Variants in SLC24A3 observed in about 807,000 individuals in gnomAD.
The protein encoded by SLC24A3 is solute carrier family 24 member 3, also known as sodium/potassium/calcium exchanger 3.
SLC24A3 carries 28 observed loss-of-function variants against 75.8 expected under a neutral mutation model. That is an observed-to-expected ratio of 0.37 (90% CI 0.27 to 0.51). The LOEUF is 0.51. SLC24A3 is among the 20% of genes least tolerant of loss of function. The pLI, the probability that SLC24A3 is intolerant of heterozygous loss-of-function variation, is 0.94. For missense variants in SLC24A3, 663 were observed against 847.8 expected (o/e 0.78, Z 2.71); for synonymous variants, 372 against 334.1 (o/e 1.11, Z -1.24).
At chr20:19,317,135 G>A (rs1300431787) in intron 2 of SLC24A3, among the ~76,000 whole-genome samples, 1 of 152,052 alleles carries the variant, frequency 6.6e-6, no homozygotes, top group African/African-American at 2.4e-5. Flanking sequence ...ATTAAAAACT[G>A]GACTCCTTCC....
At chr20:19,383,541 G>A (rs1298876707) in intron 2 of SLC24A3, among the ~76,000 whole-genome samples, 1 of 152,158 alleles carries the variant, frequency 6.6e-6, no homozygotes, top group Non-Finnish European at 1.5e-5. Flanking sequence ...TTGTCCTTCT[G>A]CCTGTCGTGC....
chr20:19,586,790 G>A (rs2031303143), intron 6 of SLC24A3, among the ~76,000 whole-genome samples: 1 of 152,120 alleles, frequency 6.6e-6, no homozygotes, highest in Admixed American at 6.5e-5. Context: ...CAGGTGGATG[G>A]GTCCCTTCTA....
intron 6 of SLC24A3, among the ~76,000 whole-genome samples, chr20:19,636,550 T>C (rs2032004972): frequency 6.6e-6 from 1 of 152,186 alleles, no homozygotes; most frequent in African/African-American, 2.4e-5. Context: ...ACTTAAGTAT[T>C]ACATTCTCTC....
At chr20:19,643,898 C>G (rs2032103212) in intron 6 of SLC24A3, among the ~76,000 whole-genome samples, 1 of 152,162 alleles carries the variant, frequency 6.6e-6, no homozygotes, top group South Asian at 2.1e-4. Flanking sequence ...AATATTTGCT[C>G]CCTACATAGC....
chr20:19,619,745 T>G (rs1286666657), intron 6 of SLC24A3, among the ~76,000 whole-genome samples: 1 of 152,112 alleles, frequency 6.6e-6, no homozygotes, highest in Non-Finnish European at 1.5e-5. Flanking sequence ...TTAGTATACG[T>G]TGTATGTATG....
intron 2 of SLC24A3, among the ~76,000 whole-genome samples, chr20:19,317,128 A>C (rs6075498): frequency 0.31 from 46,842 of 152,054 alleles, 7,646 homozygotes; most frequent in Middle Eastern, 0.52. Context: ...ACAGAAAATT[A>C]AAAACTGGAC....
chr20:19,650,366 T>TA (rs1371727244), intron 6 of SLC24A3, among the ~76,000 whole-genome samples: 2 of 152,158 alleles, frequency 1.3e-5, no homozygotes, highest in African/African-American at 4.8e-5. Context: ...TTGTGATATA[T>TA]TTTCCTATTT....
At chr20:19,278,560 T>G (rs1396245275) in intron 1 of SLC24A3, among the ~76,000 whole-genome samples, 1 of 152,252 alleles carries the variant, frequency 6.6e-6, no homozygotes, top group Non-Finnish European at 1.5e-5. Flanking sequence ...GAAACTTTTT[T>G]GTCTCTGTTC....
intron 6 of SLC24A3, among the ~76,000 whole-genome samples, chr20:19,627,134 G>A (rs1259903353): frequency 6.6e-6 from 1 of 152,194 alleles, no homozygotes; most frequent in Non-Finnish European, 1.5e-5. Flanking sequence ...GCATGCAACA[G>A]GCACTTAGGA....
At chr20:19,219,551 A>G (rs1314198096) in intron 1 of SLC24A3, among the ~76,000 whole-genome samples, 3 of 152,144 alleles carry the variant, frequency 2.0e-5, no homozygotes, top group East Asian at 1.9e-4. Context: ...GAAATACAGC[A>G]TGGCATGGAG....
At chr20:19,412,861 G>T (rs1412908369) in intron 2 of SLC24A3, among the ~76,000 whole-genome samples, 7 of 152,132 alleles carry the variant, frequency 4.6e-5, no homozygotes, top group Non-Finnish European at 1.0e-4. Flanking sequence ...CCAGCCAATT[G>T]ATATTACTTT....
chr20:19,236,733 G>C (rs987153017), intron 1 of SLC24A3, among the ~76,000 whole-genome samples: 1 of 152,154 alleles, frequency 6.6e-6, no homozygotes, highest in Non-Finnish European at 1.5e-5. Context: ...TCCAGCCTGG[G>C]TGACAAAGTG....
intron 2 of SLC24A3, among the ~76,000 whole-genome samples, chr20:19,341,756 G>C (rs766516102): frequency 6.6e-6 from 1 of 152,108 alleles, no homozygotes; most frequent in Non-Finnish European, 1.5e-5. Flanking sequence ...GATATCCTCT[G>C]TCTCAGTTCT....
rs79422728 is a variant in SLC24A3 at position 19,258,027 on chromosome 20, C to T, written c.143-22932C>T. Among the ~76,000 whole-genome samples the T allele has an allele frequency of 1.7e-3, 258 of 152,332 alleles. 1 individual carries two copies. Among genetic ancestry groups the T allele is most frequent in the African/African-American group, 5.7e-3 (235 of 41,566 alleles). On this transcript the variant is annotated intron_variant, in intron 1 of 16. Transcript: ENST00000328041. Reference sequence around the variant, plus strand: ...CTTAAAGGCTGGTAAGAGTCTGAGCCCTGGGGCTGTGAGCCTTTATCAACC... The same window carrying T: ...CTTAAAGGCTGGTAAGAGTCTGAGCTCTGGGGCTGTGAGCCTTTATCAACC...
intron 2 of SLC24A3, among the ~76,000 whole-genome samples, chr20:19,325,763 TACATATATATATAC>T (rs1408820781): frequency 0.018 from 1,248 of 69,886 alleles, 51 homozygotes; most frequent in African/African-American, 0.05. Flanking sequence ...TATACATACA[TACATATATATATAC>T]ATATATATAT....
intron 2 of SLC24A3, among the ~76,000 whole-genome samples, chr20:19,329,228 A>AT (rs541637003): frequency 1.7e-4 from 26 of 150,538 alleles, no homozygotes; most frequent in African/African-American, 4.4e-4. Context: ...TGGGAATAAG[A>AT]TTTTTTTTTT....
At chr20:19,275,749 C>T (rs76116329) in intron 1 of SLC24A3, among the ~76,000 whole-genome samples, 3,338 of 152,208 alleles carry the variant, frequency 0.022, 140 homozygotes, top group African/African-American at 0.075. Context: ...TTAGTGCATG[C>T]GGCTTGCTTT....
At chr20:19,425,086 C>T (rs1458580293) in intron 2 of SLC24A3, among the ~76,000 whole-genome samples, 5 of 152,076 alleles carry the variant, frequency 3.3e-5, no homozygotes, top group East Asian at 3.9e-4. Flanking sequence ...GGGCAGATCA[C>T]GAGTTCAGGA....
intron 1 of SLC24A3, among the ~76,000 whole-genome samples, chr20:19,247,320 A>C (rs1224550154): frequency 1.3e-5 from 2 of 152,192 alleles, no homozygotes; most frequent in African/African-American, 2.4e-5. Flanking sequence ...ACCCTCGCGA[A>C]AGTTACTTGT....
Sources: gnomAD v4.1 joint callset for allele counts (sites outside exome capture counted in the v4.1 genomes callset) on GRCh38, gnomAD v4.1.1 for gene constraint, MANE v1.5 for transcripts, NCBI Gene and HGNC (gene_info 2026-07-23, HGNC 2026-07-21) for gene names.